Variants in CCSER1 observed in about 807,000 individuals in gnomAD.
CCSER1 encodes the protein serine-rich coiled-coil domain-containing protein 1.
Under a neutral mutation model 82.0 loss-of-function variants are expected in CCSER1, and 41 were observed. The observed-to-expected ratio is 0.50, with a 90% CI of 0.39 to 0.65. The LOEUF is 0.65. Among genes scored for constraint, CCSER1 ranks in the 30% least tolerant of loss-of-function variants. The pLI is 0.00. For missense variants in CCSER1, 1,119 were observed against 1,064.2 expected, an observed-to-expected ratio of 1.05 and a Z score of -0.72; for synonymous variants, 414 against 383.9, an observed-to-expected ratio of 1.08 and a Z score of -0.92.
At chr4:90,783,340 T>G (rs2123954) in intron 7 of CCSER1, among the ~76,000 whole-genome samples, 1 of 152,042 alleles carries the variant, frequency 6.6e-6, no homozygotes, top group African/African-American at 2.4e-5. Context: ...AGGCAGGCGA[T>G]TATAGAGAAA....
intron 10 of CCSER1, among the ~76,000 whole-genome samples, chr4:91,462,093 C>A (rs1181719877): frequency 6.6e-6 from 1 of 152,052 alleles, no homozygotes; most frequent in Non-Finnish European, 1.5e-5. Flanking sequence ...AAGAGTGAAA[C>A]TTTTCAGAGA....
intron 10 of CCSER1, among the ~76,000 whole-genome samples, chr4:91,167,638 A>T (rs1732238221): frequency 1.3e-5 from 2 of 152,206 alleles, no homozygotes; most frequent in African/African-American, 2.4e-5. Context: ...GTTTTCAATT[A>T]TGCAACTGTT....
At chr4:91,588,118 A>G (rs2110332989) in intron 10 of CCSER1, among the ~76,000 whole-genome samples, 1 of 151,584 alleles carries the variant, frequency 6.6e-6, no homozygotes, top group South Asian at 2.1e-4. Flanking sequence ...TTAAAAATCA[A>G]TTTTAGATCT....
At chr4:90,595,913 G>A (rs901451075) in intron 5 of CCSER1, among the ~76,000 whole-genome samples, 4 of 151,876 alleles carry the variant, frequency 2.6e-5, no homozygotes, top group Non-Finnish European at 5.9e-5. Context: ...TGGAAAGAGA[G>A]AAAAACCTCT....
intron 9 of CCSER1, among the ~76,000 whole-genome samples, chr4:90,972,188 A>G (rs745965151): frequency 6.6e-6 from 1 of 151,854 alleles, no homozygotes; most frequent in Non-Finnish European, 1.5e-5. Context: ...AGGAAGAAGA[A>G]AAATTGTCTC....
chr4:90,773,455 T>G (rs1752497574), intron 7 of CCSER1, among the ~76,000 whole-genome samples: 1 of 152,200 alleles, frequency 6.6e-6, no homozygotes, highest in Non-Finnish European at 1.5e-5. Flanking sequence ...TTGATGGGGT[T>G]TGGAACTGAG....
chr4:90,909,648 T>C (rs1410153250), intron 8 of CCSER1, among the ~76,000 whole-genome samples: 1 of 152,188 alleles, frequency 6.6e-6, no homozygotes, highest in African/African-American at 2.4e-5. Flanking sequence ...GTTTCTAGCT[T>C]CTAAAGGATC....
chr4:90,248,875 T>C (rs1721892922), intron 1 of CCSER1, among the ~76,000 whole-genome samples: 1 of 151,874 alleles, frequency 6.6e-6, no homozygotes, highest in Non-Finnish European at 1.5e-5. Context: ...TTTTTGTGTT[T>C]TTTTTGTAGA....
intron 9 of CCSER1, among the ~76,000 whole-genome samples, chr4:91,031,547 G>A (rs1740982648): frequency 1.3e-5 from 2 of 152,066 alleles, no homozygotes; most frequent in South Asian, 2.1e-4. Flanking sequence ...ATAGTAAATA[G>A]CAAACCTTTC....
intron 9 of CCSER1, among the ~76,000 whole-genome samples, chr4:91,081,582 G>A (rs1722749948): frequency 6.6e-6 from 1 of 152,026 alleles, no homozygotes; most frequent in Non-Finnish European, 1.5e-5. Flanking sequence ...GCAAGAGAAA[G>A]AAATAAAGGG....
intron 1 of CCSER1, among the ~76,000 whole-genome samples, chr4:90,145,515 C>T (rs372807650): frequency 2.0e-5 from 3 of 152,022 alleles, no homozygotes; most frequent in African/African-American, 4.8e-5. Context: ...GCTGACTCAC[C>T]GTATTTAACA....
intron 10 of CCSER1, among the ~76,000 whole-genome samples, chr4:91,446,403 T>C (rs1330804238): frequency 6.6e-6 from 1 of 152,022 alleles, no homozygotes; most frequent in Non-Finnish European, 1.5e-5. Flanking sequence ...TCAGAAGATT[T>C]ACGTATTGGC....
chr4:91,503,506 C>T (rs879706627), intron 10 of CCSER1, among the ~76,000 whole-genome samples: 1 of 151,910 alleles, frequency 6.6e-6, no homozygotes, highest in Admixed American at 6.6e-5. Flanking sequence ...GAAGAAAATA[C>T]TGTTAATTTT....
At chr4:91,214,004 G>T (rs1581782734) in intron 10 of CCSER1, among the ~76,000 whole-genome samples, 1 of 152,048 alleles carries the variant, frequency 6.6e-6, no homozygotes, top group Non-Finnish European at 1.5e-5. Flanking sequence ...CCTCTACTTA[G>T]AGAACTAGAC....
intron 10 of CCSER1, among the ~76,000 whole-genome samples, chr4:91,392,639 G>A (rs1431708343): frequency 6.6e-6 from 1 of 152,114 alleles, no homozygotes; most frequent in South Asian, 2.1e-4. Context: ...TAGCTCATTT[G>A]CACAGTTACT....
At position 91,271,846 on chromosome 4, in the gene CCSER1, C is replaced by T. The variant is rs570082942; in HGVS notation, c.2217+185852C>T. ...CTCAGCTAACTGCAACCTCTGCCTC[C>T]TGGGTTCAAGTGATTCTCCTGCCTC... On this transcript the variant is annotated intron_variant, in intron 10 of 10. Coordinates refer to ENST00000509176, the MANE Select transcript of CCSER1 (RefSeq NM_001145065.2). Among the ~76,000 whole-genome samples the T allele has an allele frequency of 1.6e-3, 236 of 152,254 alleles. 1 individual carries two copies. The highest frequency in any genetic ancestry group is 5.2e-3 in the African/African-American group (218 of 41,556).
chr4:90,333,299 A>G lies in CCSER1; in HGVS notation c.1509+20252A>G, dbSNP rs75888290. The stretch of plus-strand genomic sequence containing the variant: ...TCTTGCCTACACAGTTGTAACCGGG[A>G]GTGGTTCAAGACAAGACATAGACTC... On this transcript the variant is annotated intron_variant, in intron 3 of 10. Coordinates refer to ENST00000509176, the MANE Select transcript of CCSER1 (RefSeq NM_001145065.2). Among the ~76,000 whole-genome samples the G allele has an allele frequency of 5.5e-3, 845 of 152,254 alleles. 8 individuals carry two copies. The highest frequency in any genetic ancestry group is 0.02 in the African/African-American group (818 of 41,542).
At chr4:91,449,599 A>T (rs1369833992) in intron 10 of CCSER1, among the ~76,000 whole-genome samples, 5 of 152,096 alleles carry the variant, frequency 3.3e-5, no homozygotes, top group African/African-American at 1.2e-4. Flanking sequence ...ACAGCAAGCC[A>T]GGGCAATTGT....
At chr4:91,495,295 G>A (rs188407564) in intron 10 of CCSER1, among the ~76,000 whole-genome samples, 10 of 151,510 alleles carry the variant, frequency 6.6e-5, no homozygotes, top group Admixed American at 5.3e-4. Context: ...TATTGTTGAG[G>A]TATATAAATA....
Sources: gnomAD v4.1 joint callset for allele counts (sites outside exome capture counted in the v4.1 genomes callset) on GRCh38, gnomAD v4.1.1 for gene constraint, MANE v1.5 for transcripts, NCBI Gene and HGNC (gene_info 2026-07-23, HGNC 2026-07-21) for gene names.